Variants in KIAA0319L observed in about 807,000 individuals in gnomAD.
KIAA0319L encodes KIAA0319 like.
Under a neutral mutation model 120.1 loss-of-function variants are expected in KIAA0319L, and 55 were observed. That is an observed-to-expected ratio of 0.46 (90% CI 0.37 to 0.57). KIAA0319L has a LOEUF of 0.57. Among genes scored for constraint, KIAA0319L ranks in the 20% least tolerant of loss-of-function variants. The pLI is 0.00. For missense variants in KIAA0319L, 1,049 were observed against 1,255.3 expected, an observed-to-expected ratio of 0.84 and a Z score of 2.48; for synonymous variants, 398 against 471.9, an observed-to-expected ratio of 0.84 and a Z score of 2.03.
chr1:35,549,505 G>A (rs1474048854), intron 2 of KIAA0319L, among the ~76,000 whole-genome samples: 2 of 152,118 alleles, frequency 1.3e-5, no homozygotes, highest in East Asian at 1.9e-4. Flanking sequence ...TTAACTAACT[G>A]TATAATCTCC....
At chr1:35,541,532 T>C in intron 2 of KIAA0319L, among the ~76,000 whole-genome samples, 1 of 152,016 alleles carries the variant, frequency 6.6e-6, no homozygotes, top group African/African-American at 2.4e-5. Flanking sequence ...GTATTTTTAG[T>C]AGAGACGGGG....
At chr1:35,511,852 T>G (rs1363258115) in intron 2 of KIAA0319L, among the ~76,000 whole-genome samples, 2 of 152,212 alleles carry the variant, frequency 1.3e-5, no homozygotes, top group Non-Finnish European at 2.9e-5. Context: ...TATACAGCCA[T>G]AGAAATATCC....
chr1:35,527,231 GA>G (rs1646184063), intron 2 of KIAA0319L, among the ~76,000 whole-genome samples: 1 of 150,920 alleles, frequency 6.6e-6, no homozygotes, highest in Non-Finnish European at 1.5e-5. Flanking sequence ...GCATCCCTGG[GA>G]TAAATCCCAC....
chr1:35,481,814 CTTTTTTTTTTTT>C lies in KIAA0319L; in HGVS notation c.667-2614_667-2603del, dbSNP rs747721221. Among the ~76,000 whole-genome samples the C allele has an allele frequency of 1.0e-3, 50 of 48,968 alleles. 1 individual carries two copies. Among genetic ancestry groups the C allele is most frequent in the Non-Finnish European group, 1.5e-3 (42 of 27,210 alleles). The allele number at this position is 48,968 out of a possible 152,430, so 32.1% of individuals were successfully genotyped here. On this transcript the variant is annotated intron_variant, in intron 3 of 20. Transcript: ENST00000325722. ...ACCCTAAGCAACCATTCTGCTGTTTCTTTTTTTTTTTTTTTTTTTTTTTTTTTTGAGATGGAG... is the reference window on the plus strand; with the variant it reads ...ACCCTAAGCAACCATTCTGCTGTTTCTTTTTTTTTTTTTTTTGAGATGGAG...
chr1:35,551,136 T>C (rs187530019), intron 2 of KIAA0319L, among the ~76,000 whole-genome samples: 4 of 152,346 alleles, frequency 2.6e-5, no homozygotes, highest in South Asian at 4.1e-4. Context: ...CAGCACTATA[T>C]GAGGACAACC....
At chr1:35,527,213 C>T (rs1375972146) in intron 2 of KIAA0319L, among the ~76,000 whole-genome samples, 2 of 149,102 alleles carry the variant, frequency 1.3e-5, no homozygotes, top group East Asian at 1.9e-4. Context: ...ATTTGTTGAA[C>T]CATCCTTGCA....
intron 3 of KIAA0319L, among the ~76,000 whole-genome samples, chr1:35,493,157 A>G (rs1644662090): frequency 6.6e-6 from 1 of 152,188 alleles, no homozygotes; most frequent in African/African-American, 2.4e-5. Context: ...AATCTATACA[A>G]AATGCTAACA....
intron 3 of KIAA0319L, among the ~76,000 whole-genome samples, chr1:35,500,650 A>G (rs1446432998): frequency 6.6e-6 from 1 of 152,178 alleles, no homozygotes; most frequent in Non-Finnish European, 1.5e-5. Flanking sequence ...TGCTTGACCT[A>G]CCTTAGTGAA....
At chr1:35,510,761 T>C (rs1645407355) in intron 2 of KIAA0319L, among the ~76,000 whole-genome samples, 1 of 151,924 alleles carries the variant, frequency 6.6e-6, no homozygotes, top group Non-Finnish European at 1.5e-5. Context: ...TGAGCATCAC[T>C]GTGTCTGGCT....
At chr1:35,535,233 T>C (rs114036733) in intron 2 of KIAA0319L, among the ~76,000 whole-genome samples, 1,709 of 151,888 alleles carry the variant, frequency 0.011, 43 homozygotes, top group African/African-American at 0.039. Context: ...AGAATACTTA[T>C]ACTTCACAGG....
Position 35,554,537 on chromosome 1 carries a change from G to A in KIAA0319L, c.-28-18C>T, listed in dbSNP as rs746506369. 2.8e-6 allele frequency: 4 copies of A among 1,451,152 alleles called. No homozygotes were observed. The South Asian group carries it at 5.5e-5, about 20-fold the overall frequency. The allele number at this position is 1,451,152 out of a possible 1,614,324, so 89.9% of individuals were successfully genotyped here. On this transcript the variant is annotated intron_variant, in intron 1 of 20. Transcript: ENST00000325722. Reference sequence around the variant, plus strand: ...CCAGTACACTAGAAGGACAGAAAGAGAAGAAATTACATGCCGAGTAATTAA... The same window carrying A: ...CCAGTACACTAGAAGGACAGAAAGAAAAGAAATTACATGCCGAGTAATTAA...
chr1:35,541,283 T>C (rs1244770731), intron 2 of KIAA0319L, among the ~76,000 whole-genome samples: 8 of 150,588 alleles, frequency 5.3e-5, no homozygotes, highest in Admixed American at 4.6e-4. Flanking sequence ...AGGCACCTGA[T>C]AAATATGTTT....
At chr1:35,511,301 A>G (rs570056510) in intron 2 of KIAA0319L, 2 of 152,468 alleles carry the variant, frequency 1.3e-5, no homozygotes, top group African/African-American at 2.4e-5. Flanking sequence ...ACCTTTCACT[A>G]TAAGAAATGT....
At chr1:35,497,437 T>C (rs903410380) in intron 3 of KIAA0319L, among the ~76,000 whole-genome samples, 1 of 152,148 alleles carries the variant, frequency 6.6e-6, no homozygotes, top group African/African-American at 2.4e-5. Context: ...CTATAATGAC[T>C]AAAAGCAGAT....
In KIAA0319L at chr1:35,437,697, CTGGA is replaced by C. The variant is rs1259160748; in HGVS notation, c.2963-2620_2963-2617del. 6.6e-6 allele frequency among the ~76,000 whole-genome samples: 1 copy of C among 152,188 alleles called. No homozygotes were observed. The highest frequency in any genetic ancestry group is 1.5e-5 in the Non-Finnish European group (1 of 68,028). The stretch of plus-strand genomic sequence containing the variant: ...CCCCTAATGAATCCCCTCCTCCCTC[CTGGA>C]TGGTCATTCTTGGGGTCCTCAACCC... On this transcript the variant is annotated intron_variant, in intron 20 of 20. Coordinates refer to ENST00000325722, the MANE Select transcript of KIAA0319L (RefSeq NM_024874.5). The surrounding 1 kb of genome is among the most constrained non-coding windows in gnomAD (Gnocchi z 4.1).
chr1:35,537,631 A>C (rs1052119448), intron 2 of KIAA0319L, among the ~76,000 whole-genome samples: 2 of 150,586 alleles, frequency 1.3e-5, no homozygotes, highest in Non-Finnish European at 1.5e-5. Flanking sequence ...AAAAAAAAAA[A>C]AAAAAACTGC....
At chr1:35,501,878 C>CAA (rs570439518) in intron 3 of KIAA0319L, among the ~76,000 whole-genome samples, 5,925 of 94,218 alleles carry the variant, frequency 0.063, 331 homozygotes, top group African/African-American at 0.13. Context: ...AATTCCATCT[C>CAA]AAAAAAAAAA....
At chr1:35,440,939 T>C in intron 20 of KIAA0319L, 108 bp downstream of exon 20, 2 of 896,166 alleles carry the variant, frequency 2.2e-6, no homozygotes, top group Non-Finnish European at 3.7e-6. Context: ...ACAAAATGCT[T>C]TGCAAGCACA....
At chr1:35,473,808 C>G (rs574271660) in intron 5 of KIAA0319L, among the ~76,000 whole-genome samples, 1 of 152,258 alleles carries the variant, frequency 6.6e-6, no homozygotes, top group Non-Finnish European at 1.5e-5. Flanking sequence ...AATGGAAGGA[C>G]CCCATCCTAA....
Sources: gnomAD v4.1 joint callset for allele counts (sites outside exome capture counted in the v4.1 genomes callset) on GRCh38, gnomAD v4.1.1 for gene constraint, Gnocchi (gnomAD v3.1) non-coding constraint, MANE v1.5 for transcripts, NCBI Gene and HGNC (gene_info 2026-07-23, HGNC 2026-07-21) for gene names.